Variants in DUSP14 observed in about 807,000 individuals in gnomAD.
DUSP14 encodes dual specificity protein phosphatase 14.
A neutral mutation model predicts 13.2 loss-of-function variants in DUSP14; 5 were observed. That is an observed-to-expected ratio of 0.38 (90% confidence interval 0.20 to 0.80). The LOEUF (loss-of-function observed/expected upper bound fraction) is 0.80. Among genes scored for constraint, DUSP14 ranks in the 30% least tolerant of loss-of-function variants. The pLI is 0.44. For missense variants in DUSP14, 185 were observed against 264.0 expected (o/e 0.70, Z 2.07); for synonymous variants, 91 against 103.4 (o/e 0.88, Z 0.73).
intron 1 of DUSP14, among the ~76,000 whole-genome samples, chr17:37,499,519 T>G (rs2143075855): frequency 6.6e-6 from 1 of 151,200 alleles, no homozygotes; most frequent in Middle Eastern, 3.4e-3. Flanking sequence ...AGAAGTGTTT[T>G]TGTTTGTTTG....
At chr17:37,503,932 T>C (rs2054121143) in intron 1 of DUSP14, among the ~76,000 whole-genome samples, 1 of 152,196 alleles carries the variant, frequency 6.6e-6, no homozygotes, top group Non-Finnish European at 1.5e-5. Context: ...GGCCCATGCC[T>C]GTAATCCCAG....
At chr17:37,498,210 G>C (rs906484945) in intron 1 of DUSP14, among the ~76,000 whole-genome samples, 3 of 149,586 alleles carry the variant, frequency 2.0e-5, no homozygotes, top group Middle Eastern at 3.3e-3. Flanking sequence ...AATTGGAGAA[G>C]TATTTAGTGT....
At chr17:37,511,938 C>A (rs9900404) in intron 2 of DUSP14, among the ~76,000 whole-genome samples, 1 of 38,248 alleles carries the variant, frequency 2.6e-5, no homozygotes, top group Non-Finnish European at 4.6e-5. Flanking sequence ...CCCCACCCCA[C>A]TTTTTTTTTT....
chr17:37,499,751 A>T (rs2054093373), intron 1 of DUSP14, among the ~76,000 whole-genome samples: 1 of 151,944 alleles, frequency 6.6e-6, no homozygotes, highest in African/African-American at 2.4e-5. Flanking sequence ...GCTGGTCTCA[A>T]ACTCCTGACC....
intron 1 of DUSP14, among the ~76,000 whole-genome samples, chr17:37,498,308 T>C (rs996546805): frequency 1.4e-5 from 2 of 143,166 alleles, no homozygotes; most frequent in Admixed American, 1.5e-4. Flanking sequence ...GTGTACTAGA[T>C]TGTATCTTTT....
Position 37,512,767 on chromosome 17 carries a change from C to G in DUSP14, c.495C>G (p.Leu165=). Residue 165 remains leucine (L), a synonymous_variant, in exon 3 of 3, where the codon CTC becomes CTG. Transcript: ENST00000617516. This position sits in a 1 kb window ranked among gnomAD's most constrained non-coding sequence, Gnocchi z 4.8. ...WRQLIDYERQ[L]FGKSTVKMVQ... is the part of the protein sequence containing the mutation. ...AACTGATAGACTACGAGCGCCAGCTCTTTGGGAAGTCGACAGTTAAAATGG... is the reference window on the plus strand; with the variant it reads ...AACTGATAGACTACGAGCGCCAGCTGTTTGGGAAGTCGACAGTTAAAATGG... 1 of 1,613,854 alleles carries G rather than the reference C, an allele frequency of 6.2e-7. No homozygotes were observed. Among genetic ancestry groups the G allele is most frequent in the African/African-American group, 1.3e-5 (1 of 75,066 alleles).
intron 2 of DUSP14, among the ~76,000 whole-genome samples, chr17:37,511,585 C>CTTTTTTTTTTTTTTTTTTTTTTTTTTTTT (rs533256343): frequency 1.1e-5 from 1 of 87,312 alleles, no homozygotes; most frequent in African/African-American, 5.2e-5. Flanking sequence ...CTGGCCTTTC[C>CTTTTTTTTTTTTTTTTTTTTTTTTTTTTT]TTTTTTTTTT....
chr17:37,506,477 T>A (rs1464890463), intron 1 of DUSP14, among the ~76,000 whole-genome samples: 1 of 152,152 alleles, frequency 6.6e-6, no homozygotes, highest in African/African-American at 2.4e-5. Flanking sequence ...GTGGTCATTC[T>A]TAAGCATTCT....
In DUSP14 at chr17:37,509,122, TATATATAC is replaced by T. The variant is rs1267126374; in HGVS notation, c.-180-1553_-180-1546del. On this transcript the variant is annotated intron_variant, in intron 1 of 2. Transcript: ENST00000617516. ...AAAAACCCATATATATATATATATA[TATATATAC>T]ACACACACACACACACACACACACA... Among the ~76,000 whole-genome samples the T allele has an allele frequency of 9.3e-5, 4 of 43,202 alleles. 2 individuals carry two copies. The highest frequency in any genetic ancestry group is 4.1e-4 in the African/African-American group (4 of 9,776). 28.3% of individuals were successfully genotyped at this position (43,202 alleles called of 152,430 possible).
Position 37,511,938 on chromosome 17 carries a change from CTTTTTTT to C in DUSP14, c.-92-231_-92-225del, listed in dbSNP as rs58893696. On this transcript the variant is annotated intron_variant, in intron 2 of 2. Coordinates refer to ENST00000617516, the MANE Select transcript of DUSP14 (RefSeq NM_007026.4). Reference sequence around the variant, plus strand: ...GCCCAGCCACCCCCCCCCCACCCCACTTTTTTTTTTTTTTTTTTGGACAATCACCAGA... The same window carrying C: ...GCCCAGCCACCCCCCCCCCACCCCACTTTTTTTTTTTGGACAATCACCAGA... Among the ~76,000 whole-genome samples the C allele has an allele frequency of 7.8e-5, 3 of 38,254 alleles. 1 individual carries two copies. The highest frequency in any genetic ancestry group is 2.2e-3 in the South Asian group (2 of 926). 25.1% of individuals were successfully genotyped at this position (38,254 alleles called of 152,430 possible). A position where few individuals can be genotyped will look rare whatever the true frequency, so the allele number is the denominator to read the frequency against.
chr17:37,499,040 A>T (rs892781969), intron 1 of DUSP14, among the ~76,000 whole-genome samples: 1 of 152,216 alleles, frequency 6.6e-6, no homozygotes, highest in Non-Finnish European at 1.5e-5. Context: ...GCTATGAAGA[A>T]CTGCCTGAGA....
At chr17:37,491,002 AAGAGTCAG>A (rs1183599412) in intron 1 of DUSP14, among the ~76,000 whole-genome samples, 2 of 152,238 alleles carry the variant, frequency 1.3e-5, no homozygotes, top group African/African-American at 4.8e-5. Context: ...CAGATCACTT[AAGAGTCAG>A]AGAGGCCGAG....
At chr17:37,497,819 G>A (rs1297874083) in intron 1 of DUSP14, among the ~76,000 whole-genome samples, 2 of 151,306 alleles carry the variant, frequency 1.3e-5, no homozygotes, top group African/African-American at 2.4e-5. Flanking sequence ...GGAAGCTGAG[G>A]CCAGCCAGAG....
At chr17:37,511,362 C>A (rs1366546458) in intron 2 of DUSP14, among the ~76,000 whole-genome samples, 2 of 152,078 alleles carry the variant, frequency 1.3e-5, no homozygotes, top group Admixed American at 1.3e-4. Context: ...CTAGTTGCAA[C>A]CTCCGCCTCC....
At chr17:37,496,697 G>A (rs541586024) in intron 1 of DUSP14, among the ~76,000 whole-genome samples, 240 of 152,172 alleles carry the variant, frequency 1.6e-3, no homozygotes, top group African/African-American at 5.6e-3. Context: ...AGGTTCAAGT[G>A]AGCCAAGATC....
rs199902442 is a variant in DUSP14, at chr17:37,512,778, C to T, written c.506C>T (p.Ser169Leu). 14 of 1,613,748 alleles carry T rather than the reference C, an allele frequency of 8.7e-6. No homozygotes were observed. The African/African-American group carries it at 9.3e-5, about 11-fold the overall frequency. ...TACGAGCGCCAGCTCTTTGGGAAGT[C>T]GACAGTTAAAATGGTACAGACACCT... is the stretch of plus-strand genomic sequence containing the variant. ...IDYERQLFGK[S>L]TVKMVQTPYG... Residue 169 changes from serine to leucine, a missense_variant, in exon 3 of 3, where the codon TCG becomes TTG. By Grantham distance (145) the Ser-to-Leu change is moderately radical. Transcript: ENST00000617516. This position sits in a 1 kb window ranked among gnomAD's most constrained non-coding sequence, Gnocchi z 4.8.
intron 1 of DUSP14, among the ~76,000 whole-genome samples, chr17:37,508,215 T>C (rs2054150506): frequency 6.6e-6 from 1 of 152,198 alleles, no homozygotes; most frequent in African/African-American, 2.4e-5. Context: ...GGTGCCTCAG[T>C]CTTCCAGGGG....
intron 1 of DUSP14, among the ~76,000 whole-genome samples, chr17:37,506,252 G>A (rs1445928092): frequency 2.0e-5 from 3 of 151,800 alleles, no homozygotes; most frequent in African/African-American, 7.3e-5. Context: ...GTGACAGAGA[G>A]AGACTCCATC....
In DUSP14 at chr17:37,512,641, C is replaced by T. The variant is rs112310315; in HGVS notation, c.369C>T (p.Ile123=). The change falls in exon 3 of 3, where the codon ATC becomes ATT. Residue 123 remains isoleucine (I), a synonymous_variant. Transcript: ENST00000617516. The surrounding 1 kb of genome is among the most constrained non-coding windows in gnomAD (Gnocchi z 4.8). ...AGVSRSATLC[I]AYLMKFHNVC... Reference sequence around the variant, plus strand: ...TGAGCCGCTCAGCCACGCTGTGTATCGCGTACCTGATGAAATTCCACAACG... The same window carrying T: ...TGAGCCGCTCAGCCACGCTGTGTATTGCGTACCTGATGAAATTCCACAACG... 9.7e-5 allele frequency: 156 copies of T among 1,613,654 alleles called. No homozygotes were observed. The African/African-American group carries it at 1.7e-3, about 17-fold the overall frequency.
Sources: allele counts gnomAD v4.1 joint callset (sites outside exome capture counted in the v4.1 genomes callset), GRCh38; gene constraint gnomAD v4.1.1; non-coding constraint Gnocchi (gnomAD v3.1); transcripts MANE v1.5; gene names NCBI Gene and HGNC (gene_info 2026-07-23, HGNC 2026-07-21).